The following KLHDC2 variants were observed in gnomAD, a reference collection of about 807,000 sequenced individuals.
The protein encoded by KLHDC2 is kelch domain-containing protein 2.
A neutral mutation model predicts 62.3 loss-of-function variants in KLHDC2; 38 were observed. The observed-to-expected ratio is 0.61, with a 90% CI of 0.47 to 0.80. The LOEUF (loss-of-function observed/expected upper bound fraction) is 0.80. KLHDC2 is among the 30% of genes least tolerant of loss of function. KLHDC2 has a pLI of 0.00. For missense variants in KLHDC2, 430 were observed against 495.3 expected (o/e 0.87, Z 1.25); for synonymous variants, 159 against 161.0 (o/e 0.99, Z 0.09).
rs1391125434 is a variant in KLHDC2, at chr14:49,784,033, C to G, written c.*1080C>G. The stretch of plus-strand genomic sequence containing the variant: ...TAAGCAATCAAGCCACTTCACTGTT[C>G]AGTTTCTTTACATCATGAAATGAAT... On this transcript the variant is annotated 3_prime_UTR_variant, in exon 13 of 13. Transcript: ENST00000298307. 6.6e-6 allele frequency: 1 copy of G among 151,914 alleles called. No individual in the cohort carries two copies. The highest frequency in any genetic ancestry group is 1.5e-5 in the Non-Finnish European group (1 of 67,940). The allele number at this position is 151,914 out of a possible 1,614,324, so 9.4% of individuals were successfully genotyped here.
At position 49,779,617 on chromosome 14, in the gene KLHDC2, C is replaced by T. The variant is rs746017180; in HGVS notation, c.656C>T (p.Ala219Val). The change falls in exon 7 of 13, where the codon GCT (alanine) becomes GTT (valine). Residue 219 changes from alanine (A) to valine (V), a missense_variant. Physicochemically the swap from Ala to Val is moderately conservative, Grantham distance 64 (BLOSUM62 0). Coordinates refer to ENST00000298307, the MANE Select transcript of KLHDC2 (RefSeq NM_014315.3). ...TAGGGTAAAGCACCTTCACCTCGTG[C>T]TGCCCATGCCTGTGCAACTGTCGGA... ...ITTGKAPSPRAAHACATVGNR... is the reference protein window; with the variant it reads ...ITTGKAPSPRVAHACATVGNR... The T allele has an allele frequency of 6.2e-7, 1 of 1,614,056 alleles. No homozygotes were observed. Among genetic ancestry groups the T allele is most frequent in the Non-Finnish European group, 8.5e-7 (1 of 1,179,934 alleles).
At position 49,780,774 on chromosome 14, in the gene KLHDC2, A is replaced by C; in HGVS notation, c.955A>C (p.Arg319=). The change falls in exon 10 of 13, where the codon AGG becomes CGG. Residue 319 remains arginine, a splice_region_variant and synonymous_variant. Coordinates refer to ENST00000298307, the MANE Select transcript of KLHDC2 (RefSeq NM_014315.3). ...QFNHPYTEKP[R]LWHTACASDE... The stretch of plus-strand genomic sequence containing the variant: ...TAATCATCCATATACCGAAAAACCA[A>C]GGTATTTAAAAGCAATTCATATACT... 1 of 1,554,770 alleles carries C rather than the reference A, an allele frequency of 6.4e-7. No homozygotes were observed. Among genetic ancestry groups the C allele is most frequent in the South Asian group, 1.1e-5 (1 of 89,852 alleles).
intron 1 of KLHDC2, 75 bp downstream of exon 1, chr14:49,768,696 G>A (rs1481634600): frequency 7.4e-7 from 1 of 1,360,418 alleles, no homozygotes; most frequent in African/African-American, 1.5e-5. Context: ...AGGCGGGGAG[G>A]CCAGAGCGGG....
rs967061300 is a variant in KLHDC2 at position 49,769,949 on chromosome 14, T to G, written c.153+1328T>G. On this transcript the variant is annotated intron_variant, in intron 1 of 12. Transcript: ENST00000298307. ...AAGAAGGAAACTGTCTCAAAAATACTTTAGAAAGGGGTAGAGAATTGCAAG... is the reference window on the plus strand; with the variant it reads ...AAGAAGGAAACTGTCTCAAAAATACGTTAGAAAGGGGTAGAGAATTGCAAG... Among the ~76,000 whole-genome samples, 9 of 127,036 alleles carry G rather than the reference T, an allele frequency of 7.1e-5. No homozygotes were observed. In the Admixed American group the frequency reaches 7.5e-4, roughly 11 times the overall value. The allele number at this position is 127,036 out of a possible 152,430, so 83.3% of individuals were successfully genotyped here.
At position 49,782,605 on chromosome 14, in the gene KLHDC2, T is replaced by C; in HGVS notation, c.1097+11T>C. The C allele has an allele frequency of 6.3e-7, 1 of 1,588,670 alleles. No homozygotes were observed. The highest frequency in any genetic ancestry group is 2.2e-5 in the East Asian group (1 of 44,728). On this transcript the variant is annotated intron_variant, in intron 12 of 12. Coordinates refer to ENST00000298307, the MANE Select transcript of KLHDC2 (RefSeq NM_014315.3). ...AAAATCTCTTGTACGGTAAGTAACT[T>C]TGTACTTGGCACTTAGATTATTTAA... is the stretch of plus-strand genomic sequence containing the variant.
chr14:49,769,783 A>G (rs1404661576), intron 1 of KLHDC2, among the ~76,000 whole-genome samples: 1 of 18 alleles, frequency 0.056, no homozygotes, highest in Non-Finnish European at 0.25. Flanking sequence ...CTAAAAATAC[A>G]AAAAAAAAAA....
In KLHDC2 at chr14:49,785,783, ACTGAGGGGGGGAGGATCAC is replaced by A. The variant is rs1040117067; in HGVS notation, c.*2836_*2854del. ...GCCTGTAGTCCCAGCTACTCGGAAG[ACTGAGGGGGGGAGGATCAC>A]CTGAGCCCAGGAGGTAGACGTTGTG... On this transcript the variant is annotated 3_prime_UTR_variant, in exon 13 of 13. Coordinates refer to ENST00000298307, the MANE Select transcript of KLHDC2 (RefSeq NM_014315.3). The A allele has an allele frequency of 6.3e-6, 1 of 158,318 alleles. No homozygotes were observed. The highest frequency in any genetic ancestry group is 2.4e-5 in the African/African-American group (1 of 40,900). 9.8% of individuals were successfully genotyped at this position (158,318 alleles called of 1,614,324 possible). A position where few individuals can be genotyped will look rare whatever the true frequency, so the allele number is the denominator to read the frequency against.
At chr14:49,779,894 A>G in intron 8 of KLHDC2, 88 bp downstream of exon 8, 1 of 899,020 alleles carries the variant, frequency 1.1e-6, no homozygotes, top group East Asian at 2.5e-5. Flanking sequence ...TCCTTGCTTA[A>G]CTTTTCTTTA....
At position 49,768,392 on chromosome 14, in the gene KLHDC2, ATT is replaced by A. The variant is rs1304343674; in HGVS notation, c.-75_-74del. On this transcript the variant is annotated 5_prime_UTR_variant, in exon 1 of 13. Coordinates refer to ENST00000298307, the MANE Select transcript of KLHDC2 (RefSeq NM_014315.3). ...TTTTCCTTGCCTCGCGCCGCTGTGCATTTCTCTCCTTTTCCTTTGTTTTTTTG... is the reference window on the plus strand; with the variant it reads ...TTTTCCTTGCCTCGCGCCGCTGTGCATCTCTCCTTTTCCTTTGTTTTTTTG... The A allele has an allele frequency of 3.5e-6, 5 of 1,443,438 alleles. No homozygotes were observed. The Middle Eastern group carries it at 5.4e-4, about 156-fold the overall frequency. 89.4% of individuals were successfully genotyped at this position (1,443,438 alleles called of 1,614,324 possible).
intron 2 of KLHDC2, among the ~76,000 whole-genome samples, chr14:49,774,304 T>A (rs551708748): frequency 2.0e-3 from 302 of 152,216 alleles, no homozygotes; most frequent in African/African-American, 6.5e-3. Flanking sequence ...CCTAGAATAA[T>A]AAAATATGAC....
intron 6 of KLHDC2, among the ~76,000 whole-genome samples, chr14:49,779,150 G>A (rs892115238): frequency 6.6e-6 from 1 of 152,134 alleles, no homozygotes; most frequent in Admixed American, 6.5e-5. Flanking sequence ...TCAGCATCAT[G>A]TTGGCACTCA....
Position 49,785,037 on chromosome 14 carries a change from CTGT to C in KLHDC2, c.*2086_*2088del, listed in dbSNP as rs1566643146. On this transcript the variant is annotated 3_prime_UTR_variant, in exon 13 of 13. Transcript: ENST00000298307. Reference sequence around the variant, plus strand: ...TACAAAAAAGAGTAAGAATAATCTACTGTTAAGTCACTGAACTGTTTAAAATCA... The same window carrying C: ...TACAAAAAAGAGTAAGAATAATCTACTAAGTCACTGAACTGTTTAAAATCA... 1 of 1,607,804 alleles carries C rather than the reference CTGT, an allele frequency of 6.2e-7. No individual in the cohort carries two copies. Among genetic ancestry groups the C allele is most frequent in the Admixed American group, 1.7e-5 (1 of 59,936 alleles).
At chr14:49,780,474 A>C (rs1889869819) in intron 9 of KLHDC2, 152 bp downstream of exon 9, 2 of 654,034 alleles carry the variant, frequency 3.1e-6, no homozygotes, top group Admixed American at 5.3e-5. Context: ...CTGTAATTGT[A>C]CTATATGGCA....
chr14:49,779,482 C>T, intron 6 of KLHDC2, 113 bp from the exon 7 acceptor site: 1 of 718,162 alleles, frequency 1.4e-6, no homozygotes, highest in Non-Finnish European at 2.3e-6. Context: ...GTCTACACTC[C>T]CAACTTTTAA....
At chr14:49,774,758 C>A (rs760798353) in intron 3 of KLHDC2, 80 bp downstream of exon 3, 1 of 848,838 alleles carries the variant, frequency 1.2e-6, no homozygotes, top group Non-Finnish European at 2.0e-6. Context: ...CTAAGGTTAG[C>A]CCCAGACTTA....
At chr14:49,779,710 G>T in intron 7 of KLHDC2, 35 bp downstream of exon 7, 1 of 1,610,816 alleles carries the variant, frequency 6.2e-7, no homozygotes, top group South Asian at 1.1e-5. Context: ...ACTTGCTTTT[G>T]AATTCTTCAA....
At chr14:49,777,337 A>G (rs764719633) in intron 3 of KLHDC2, among the ~76,000 whole-genome samples, 2 of 152,162 alleles carry the variant, frequency 1.3e-5, no homozygotes, top group Non-Finnish European at 2.9e-5. Flanking sequence ...AATCTCAGAA[A>G]TCACCACAAA....
chr14:49,776,914 C>T (rs1242683831), intron 3 of KLHDC2, among the ~76,000 whole-genome samples: 3 of 112,432 alleles, frequency 2.7e-5, no homozygotes, highest in South Asian at 3.4e-4. Context: ...GAGATTCTGT[C>T]CCCACCAAAA....
chr14:49,782,003 G>A, intron 10 of KLHDC2: 1 of 198,714 alleles, frequency 5.0e-6, no homozygotes, highest in Non-Finnish European at 1.0e-5. Flanking sequence ...TACTCAAGCA[G>A]GGCTTTCACC....
Sources: allele counts gnomAD v4.1 joint callset (sites outside exome capture counted in the v4.1 genomes callset), GRCh38; gene constraint gnomAD v4.1.1; transcripts MANE v1.5; gene names NCBI Gene and HGNC (gene_info 2026-07-23, HGNC 2026-07-21).